The following CTNND2 variants were observed in gnomAD, a reference collection of about 807,000 sequenced individuals.
CTNND2 encodes the protein catenin delta-2.
A neutral mutation model predicts 144.4 loss-of-function variants in CTNND2; 22 were observed. The ratio of observed to expected loss-of-function variants is 0.15; its 90% CI spans 0.11 to 0.22. CTNND2 has a LOEUF of 0.22. Among genes scored for constraint, CTNND2 ranks in the 10% least tolerant of loss-of-function variants. The pLI, the probability that CTNND2 is intolerant of heterozygous loss-of-function variation, is 1.00. For missense variants in CTNND2, 1,353 were observed against 1,618.8 expected (o/e 0.84, Z 2.82); for synonymous variants, 751 against 695.6 (o/e 1.08, Z -1.25).
chr5:11,028,085 T>G (rs865786092), intron 16 of CTNND2, among the ~76,000 whole-genome samples: 7 of 152,326 alleles, frequency 4.6e-5, no homozygotes, highest in Admixed American at 3.9e-4. Flanking sequence ...GTCACTTGAG[T>G]TCCTTCCTAC....
intron 5 of CTNND2, among the ~76,000 whole-genome samples, chr5:11,409,140 G>C (rs12652101): frequency 0.012 from 1,816 of 151,896 alleles, 72 homozygotes; most frequent in East Asian, 0.11. Flanking sequence ...TATTTGCTTA[G>C]TAAATGCTAT....
chr5:11,302,138 T>G (rs1051970431), intron 9 of CTNND2, among the ~76,000 whole-genome samples: 2 of 152,214 alleles, frequency 1.3e-5, no homozygotes, highest in African/African-American at 4.8e-5. Flanking sequence ...TTAATTGATA[T>G]CTGCCCTCTT....
chr5:11,369,853 T>C (rs1357986450), intron 7 of CTNND2, among the ~76,000 whole-genome samples: 1 of 152,168 alleles, frequency 6.6e-6, no homozygotes, highest in Non-Finnish European at 1.5e-5. Context: ...AGAATGAGCC[T>C]CACTGGAGAA....
At chr5:10,994,447 AG>A (rs1241613140) in intron 18 of CTNND2, among the ~76,000 whole-genome samples, 1 of 19,806 alleles carries the variant, frequency 5.0e-5, no homozygotes, top group Non-Finnish European at 9.2e-5. Flanking sequence ...GGGAAAGAGG[AG>A]CGGGGGCCGG....
chr5:11,438,659 C>T (rs137914940), intron 3 of CTNND2, among the ~76,000 whole-genome samples: 5 of 152,170 alleles, frequency 3.3e-5, no homozygotes, highest in Non-Finnish European at 7.3e-5. Context: ...TGAAAGGAGG[C>T]TATTTGGATG....
chr5:11,734,438 C>G (rs1787568215), intron 1 of CTNND2, among the ~76,000 whole-genome samples: 1 of 152,140 alleles, frequency 6.6e-6, no homozygotes, highest in Non-Finnish European at 1.5e-5. Context: ...GAATAAGTCT[C>G]AAGAGATCTG....
intron 1 of CTNND2, among the ~76,000 whole-genome samples, chr5:11,856,264 T>C (rs1310112732): frequency 6.6e-6 from 1 of 152,150 alleles, no homozygotes; most frequent in East Asian, 1.9e-4. Flanking sequence ...TTCTGGAATA[T>C]TGACTACACA....
chr5:11,041,327 A>T (rs1744674974), intron 16 of CTNND2, among the ~76,000 whole-genome samples: 1 of 152,220 alleles, frequency 6.6e-6, no homozygotes. Context: ...TTTGTGTCTT[A>T]CATTACCCTA....
At chr5:11,415,820 G>T (rs1386990312) in intron 3 of CTNND2, among the ~76,000 whole-genome samples, 1 of 152,022 alleles carries the variant, frequency 6.6e-6, no homozygotes, top group Non-Finnish European at 1.5e-5. Context: ...AAGCGTATGA[G>T]AGGAAGTGAC....
At chr5:11,109,988 C>T (rs1375244110) in intron 14 of CTNND2, among the ~76,000 whole-genome samples, 1 of 152,076 alleles carries the variant, frequency 6.6e-6, no homozygotes, top group Non-Finnish European at 1.5e-5. Flanking sequence ...TTTCACTTTA[C>T]TTGTGAAACT....
At chr5:11,870,500 AT>A (rs1203132924) in intron 1 of CTNND2, among the ~76,000 whole-genome samples, 1 of 152,236 alleles carries the variant, frequency 6.6e-6, no homozygotes, top group East Asian at 1.9e-4. Flanking sequence ...CTTACAAAGA[AT>A]ATGCTTCTGC....
In CTNND2 at chr5:11,564,849, C is replaced by T. The variant is rs1336903627; in HGVS notation, c.287+95G>A. ...TCTTTCCAACGTTTGACTGAATGTT[C>T]CAATTCCACCACCGGGTTGGAAAGA... is the stretch of plus-strand genomic sequence containing the variant. On this transcript the variant is annotated intron_variant, in intron 3 of 21. Coordinates refer to ENST00000304623, the MANE Select transcript of CTNND2 (RefSeq NM_001332.4). 1.7e-5 allele frequency: 13 copies of T among 786,792 alleles called. No homozygotes were observed. In the Admixed American group the frequency reaches 2.9e-4, roughly 18 times the overall value. The allele number at this position is 786,792 out of a possible 1,614,324, so 48.7% of individuals were successfully genotyped here.
intron 1 of CTNND2, among the ~76,000 whole-genome samples, chr5:11,783,251 A>G (rs566692230): frequency 1.3e-5 from 2 of 152,306 alleles, no homozygotes; most frequent in East Asian, 1.9e-4. Flanking sequence ...AGAGATATTC[A>G]GTATACTGCA....
At chr5:11,171,254 A>G (rs1481932974) in intron 11 of CTNND2, among the ~76,000 whole-genome samples, 1 of 152,208 alleles carries the variant, frequency 6.6e-6, no homozygotes, top group Non-Finnish European at 1.5e-5. Flanking sequence ...ACCAAAGGCT[A>G]AAGTGGTTAC....
At chr5:11,245,271 T>C (rs1050520606) in intron 9 of CTNND2, among the ~76,000 whole-genome samples, 1 of 152,202 alleles carries the variant, frequency 6.6e-6, no homozygotes, top group Non-Finnish European at 1.5e-5. Context: ...TGGGAAAGAC[T>C]GAAGAGTGGC....
chr5:11,803,086 C>G (rs6891866), intron 1 of CTNND2, among the ~76,000 whole-genome samples: 122,392 of 151,844 alleles, frequency 0.81, 53,526 homozygotes, highest in Non-Finnish European at 0.97. Context: ...CTTTGGGAGG[C>G]CGAGGCGGGT....
chr5:11,381,705 C>T (rs561846846), intron 7 of CTNND2, among the ~76,000 whole-genome samples: 36 of 152,274 alleles, frequency 2.4e-4, no homozygotes, highest in South Asian at 2.1e-3. Flanking sequence ...TGGTGGCTCA[C>T]GCCTGTAATC....
intron 1 of CTNND2, among the ~76,000 whole-genome samples, chr5:11,747,241 A>T (rs1788364139): frequency 1.3e-5 from 2 of 152,206 alleles, no homozygotes; most frequent in Admixed American, 1.3e-4. Flanking sequence ...AGAAAAATAA[A>T]GTCTGGGATT....
At chr5:11,546,501 A>G (rs935638170) in intron 3 of CTNND2, among the ~76,000 whole-genome samples, 2 of 152,222 alleles carry the variant, frequency 1.3e-5, no homozygotes, top group Non-Finnish European at 2.9e-5. Flanking sequence ...TCTACAAATT[A>G]CTAGAGGTAA....
Sources: allele counts gnomAD v4.1 joint callset (sites outside exome capture counted in the v4.1 genomes callset), GRCh38; gene constraint gnomAD v4.1.1; transcripts MANE v1.5; gene names NCBI Gene and HGNC (gene_info 2026-07-23, HGNC 2026-07-21).